PLEKHA5: variants seen among roughly 807,000 people sequenced by gnomAD.
The protein encoded by PLEKHA5 is pleckstrin homology domain containing A5.
In PLEKHA5, 55 loss-of-function variants were observed where a neutral mutation model predicts 181.9. The observed-to-expected ratio is 0.30, with a 90% CI of 0.24 to 0.38. PLEKHA5 has a LOEUF of 0.38. Ranked by LOEUF, PLEKHA5 falls within the 10% of genes least tolerant of loss-of-function variation. PLEKHA5 has a pLI of 1.00. For missense variants in PLEKHA5, 1,432 were observed against 1,549.5 expected (o/e 0.92, Z 1.27); for synonymous variants, 535 against 529.4 (o/e 1.01, Z -0.15).
chr12:19,175,752 G>GT (rs2047041047), intron 3 of PLEKHA5, among the ~76,000 whole-genome samples: 1 of 152,182 alleles, frequency 6.6e-6, no homozygotes, highest in Admixed American at 6.5e-5. Context: ...CTTTTGCTTA[G>GT]TAACTGTGAC....
chr12:19,240,662 G>A (rs951848204), intron 3 of PLEKHA5, among the ~76,000 whole-genome samples: 2 of 150,656 alleles, frequency 1.3e-5, no homozygotes, highest in African/African-American at 4.9e-5. Flanking sequence ...TTAAGAGACA[G>A]GGCCTTTCTT....
At position 19,175,431 on chromosome 12, in the gene PLEKHA5, C is replaced by CGT. The variant is rs1402981262; in HGVS notation, c.227+42981_227+42982insGT. Among the ~76,000 whole-genome samples, 11 of 152,150 alleles carry CGT rather than the reference C, an allele frequency of 7.2e-5. No homozygotes were observed. In the East Asian group the frequency reaches 2.1e-3, roughly 29 times the overall value. On this transcript the variant is annotated intron_variant, in intron 3 of 31. Transcript: ENST00000429027. ...TTATGGAACAGTAGAATATATGTAG[C>CGT]AATAGATTTGTATGTGCTAACATCT...
chr12:19,197,731 TG>T (rs1294583259), intron 3 of PLEKHA5, among the ~76,000 whole-genome samples: 3 of 113,144 alleles, frequency 2.7e-5, no homozygotes, highest in Non-Finnish European at 5.2e-5. Flanking sequence ...TGTGTGTGTG[TG>T]TTTAAGTCGC....
At chr12:19,177,578 C>T (rs560823593) in intron 3 of PLEKHA5, among the ~76,000 whole-genome samples, 2 of 152,262 alleles carry the variant, frequency 1.3e-5, no homozygotes, top group South Asian at 2.1e-4. Context: ...TGTTGTCCTT[C>T]GGGAAGAAGT....
At chr12:19,184,870 A>G (rs1488664052) in intron 3 of PLEKHA5, among the ~76,000 whole-genome samples, 1 of 152,192 alleles carries the variant, frequency 6.6e-6, no homozygotes, top group African/African-American at 2.4e-5. Context: ...AAAATCAGAG[A>G]GGTAGAACTC....
intron 28 of PLEKHA5, among the ~76,000 whole-genome samples, chr12:19,360,798 C>T (rs529315530): frequency 1.4e-4 from 22 of 152,210 alleles, no homozygotes; most frequent in Middle Eastern, 3.4e-3. Flanking sequence ...CCCTGTCGCC[C>T]AGGCTGGAGT....
At chr12:19,263,651 T>C (rs1434911703) in intron 7 of PLEKHA5, among the ~76,000 whole-genome samples, 1 of 152,186 alleles carries the variant, frequency 6.6e-6, no homozygotes, top group Non-Finnish European at 1.5e-5. Context: ...AAATGGGGAA[T>C]CTAAAATGTC....
intron 28 of PLEKHA5, 147 bp downstream of exon 28, chr12:19,359,693 G>T (rs2095126836): frequency 2.7e-6 from 2 of 752,238 alleles, no homozygotes. Context: ...GCCGGGCGCG[G>T]TGGCTCACGT....
At chr12:19,132,524 T>A in intron 3 of PLEKHA5, 74 bp downstream of exon 3, 1 of 750,340 alleles carries the variant, frequency 1.3e-6, no homozygotes, top group South Asian at 1.5e-5. Context: ...AATAGTTGTA[T>A]GTCCAGTCTT....
intron 28 of PLEKHA5, among the ~76,000 whole-genome samples, 187 bp from the exon 29 acceptor site, chr12:19,361,395 G>A (rs1050000254): frequency 6.6e-6 from 1 of 151,954 alleles, no homozygotes; most frequent in African/African-American, 2.4e-5. Flanking sequence ...GTGTTAGCCA[G>A]GATGGTCTCA....
chr12:19,220,900 C>CA (rs988842687), intron 3 of PLEKHA5, among the ~76,000 whole-genome samples: 5 of 151,292 alleles, frequency 3.3e-5, no homozygotes, highest in African/African-American at 9.7e-5. Flanking sequence ...AATGAACATG[C>CA]AAAAAAAATG....
intron 22 of PLEKHA5, among the ~76,000 whole-genome samples, 200 bp downstream of exon 22, chr12:19,343,634 C>T (rs760979534): frequency 6.6e-6 from 1 of 152,144 alleles, no homozygotes; most frequent in Non-Finnish European, 1.5e-5. Context: ...AGGTTGCAAA[C>T]CTGCACAGCA....
intron 3 of PLEKHA5, among the ~76,000 whole-genome samples, chr12:19,227,200 A>G (rs2059818768): frequency 6.6e-6 from 1 of 151,826 alleles, no homozygotes; most frequent in East Asian, 1.9e-4. Context: ...GTGATAGACC[A>G]TTCTTGGTGC....
At chr12:19,243,838 G>T (rs2063133272) in intron 3 of PLEKHA5, among the ~76,000 whole-genome samples, 1 of 152,084 alleles carries the variant, frequency 6.6e-6, no homozygotes, top group Non-Finnish European at 1.5e-5. Context: ...AAAGCCTCAA[G>T]AATTCAGTTT....
At chr12:19,151,952 C>T (rs1038028406) in intron 3 of PLEKHA5, 1 of 150,868 alleles carries the variant, frequency 6.6e-6, no homozygotes, top group African/African-American at 2.4e-5. Flanking sequence ...CTGCAAGCTC[C>T]ACCTCCAGAG....
At chr12:19,228,288 T>G (rs1190580410) in intron 3 of PLEKHA5, among the ~76,000 whole-genome samples, 2 of 152,188 alleles carry the variant, frequency 1.3e-5, no homozygotes, top group African/African-American at 2.4e-5. Flanking sequence ...TTCATATACC[T>G]TACTAAGCCA....
intron 3 of PLEKHA5, among the ~76,000 whole-genome samples, chr12:19,246,500 G>A (rs1260755714): frequency 6.6e-6 from 1 of 151,112 alleles, no homozygotes; most frequent in Non-Finnish European, 1.5e-5. Flanking sequence ...GCAGGCGCCT[G>A]TAATCCCAGC....
intron 6 of PLEKHA5, 111 bp from the exon 7 acceptor site, chr12:19,260,838 C>A: frequency 1.7e-6 from 1 of 580,384 alleles, no homozygotes; most frequent in Non-Finnish European, 2.8e-6. Flanking sequence ...CCAGCCTGGG[C>A]AACAAGAGCG....
At chr12:19,139,225 C>G (rs895717370) in intron 3 of PLEKHA5, among the ~76,000 whole-genome samples, 1 of 152,120 alleles carries the variant, frequency 6.6e-6, no homozygotes, top group African/African-American at 2.4e-5. Context: ...GTCTGAGTGT[C>G]TACAAGAATG....
Sources: gnomAD v4.1 joint callset for allele counts (sites outside exome capture counted in the v4.1 genomes callset) on GRCh38, gnomAD v4.1.1 for gene constraint, MANE v1.5 for transcripts, NCBI Gene and HGNC (gene_info 2026-07-23, HGNC 2026-07-21) for gene names.